The following TMEM178B variants were observed in gnomAD, a reference collection of about 807,000 sequenced individuals.
TMEM178B encodes the protein transmembrane protein 178B.
Under a neutral mutation model 31.0 loss-of-function variants are expected in TMEM178B, and 5 were observed. The observed-to-expected ratio is 0.16, with a 90% CI of 0.08 to 0.34. The LOEUF (loss-of-function observed/expected upper bound fraction) is 0.34. Among genes scored for constraint, TMEM178B ranks in the 10% least tolerant of loss-of-function variants. The pLI, the probability that TMEM178B is intolerant of heterozygous loss-of-function variation, is 1.00. For missense variants in TMEM178B, 275 were observed against 400.3 expected (o/e 0.69, Z 2.67); for synonymous variants, 164 against 164.0 (o/e 1.00, Z 0.00).
chr7:141,185,494 A>G (rs1168849775), intron 1 of TMEM178B, among the ~76,000 whole-genome samples: 1 of 152,156 alleles, frequency 6.6e-6, no homozygotes, highest in Non-Finnish European at 1.5e-5. Flanking sequence ...GCCTGCTGGC[A>G]TGTGGGTGCC....
At chr7:141,242,662 T>G (rs1012757635) in intron 2 of TMEM178B, among the ~76,000 whole-genome samples, 5 of 150,814 alleles carry the variant, frequency 3.3e-5, no homozygotes, top group African/African-American at 9.8e-5. Context: ...CTGCCTCAGC[T>G]CCCGGGCAGC....
rs1800926938 is a variant in TMEM178B, at chr7:141,408,574, G to A, written c.497-29034G>A. ...TGAGACATGGTGACTGAATCAGAAAGAGTTGTGGTTCCTGCCCTGAATGGA... is the reference window on the plus strand; with the variant it reads ...TGAGACATGGTGACTGAATCAGAAAAAGTTGTGGTTCCTGCCCTGAATGGA... On this transcript the variant is annotated intron_variant, in intron 2 of 3. Coordinates refer to ENST00000565468, the MANE Select transcript of TMEM178B (RefSeq NM_001195278.2). Among the ~76,000 whole-genome samples the A allele has an allele frequency of 3.3e-5, 5 of 152,212 alleles. 1 individual carries two copies. In the South Asian group the frequency reaches 1.0e-3, roughly 31 times the overall value.
At chr7:141,497,865 C>G in the TMEM178B span, among the ~76,000 whole-genome samples, 1 of 152,184 alleles carries the variant, frequency 6.6e-6, no homozygotes, top group Admixed American at 6.5e-5. Context: ...TAAAGGCTGA[C>G]GGAGCAACTA....
At chr7:141,420,896 C>T (rs1295669300) in intron 2 of TMEM178B, among the ~76,000 whole-genome samples, 1 of 152,192 alleles carries the variant, frequency 6.6e-6, no homozygotes, top group African/African-American at 2.4e-5. Flanking sequence ...TTGAGAATCA[C>T]AACTACTGGG....
chr7:141,481,959 C>T (rs1802483427), downstream of TMEM178B, among the ~76,000 whole-genome samples: 1 of 152,144 alleles, frequency 6.6e-6, no homozygotes, highest in Admixed American at 6.5e-5. Context: ...GCATCGTGAC[C>T]TGAGGGGTGG....
chr7:141,296,649 T>A (rs6464444), intron 2 of TMEM178B, among the ~76,000 whole-genome samples: 61,692 of 151,996 alleles, frequency 0.41, 12,852 homozygotes, highest in East Asian at 0.61. Flanking sequence ...TTTGAGATAA[T>A]TTTAGATTCA....
intron 2 of TMEM178B, among the ~76,000 whole-genome samples, chr7:141,421,925 A>G (rs1426124462): frequency 2.6e-5 from 4 of 151,970 alleles, no homozygotes; most frequent in Admixed American, 6.6e-5. Context: ...GGGAGACTCC[A>G]TAGATTTGGG....
At chr7:141,499,876 T>A in the TMEM178B span, among the ~76,000 whole-genome samples, 1 of 152,182 alleles carries the variant, frequency 6.6e-6, no homozygotes, top group Non-Finnish European at 1.5e-5. Flanking sequence ...CATGCAAATA[T>A]CTTAGCATTT....
chr7:141,506,015 C>T, the TMEM178B span, among the ~76,000 whole-genome samples: 1 of 152,214 alleles, frequency 6.6e-6, no homozygotes, highest in South Asian at 2.1e-4. Context: ...GGGCCAGGTC[C>T]CTTTGCAGAT....
intron 2 of TMEM178B, among the ~76,000 whole-genome samples, chr7:141,216,691 C>A (rs540988613): frequency 2.6e-5 from 4 of 152,014 alleles, no homozygotes; most frequent in African/African-American, 9.7e-5. Context: ...CGCCTTCTCA[C>A]CCTGGGAAAA....
chr7:141,180,811 A>T (rs560191701), intron 1 of TMEM178B, among the ~76,000 whole-genome samples: 7 of 152,318 alleles, frequency 4.6e-5, no homozygotes, highest in Non-Finnish European at 7.4e-5. Context: ...TCTGGCACTC[A>T]GTTTCCTTAT....
rs991979100 is a variant in TMEM178B at position 141,449,499 on chromosome 7, A to G, written c.634+11754A>G. Among the ~76,000 whole-genome samples the G allele has an allele frequency of 3.3e-5, 5 of 152,112 alleles. 1 individual carries two copies. ...TCACATCCAATCCTTGATGGCTGAG[A>G]TGTACTACAGGGTCTAGAGCCTGGA... is the stretch of plus-strand genomic sequence containing the variant. On this transcript the variant is annotated intron_variant, in intron 3 of 3. Coordinates refer to ENST00000565468, the MANE Select transcript of TMEM178B (RefSeq NM_001195278.2).
In TMEM178B at chr7:141,227,919, A is replaced by G. The variant is rs1181450705; in HGVS notation, c.496+15215A>G. Among the ~76,000 whole-genome samples the G allele has an allele frequency of 2.6e-4, 40 of 152,194 alleles. 1 individual carries two copies. The highest frequency in any genetic ancestry group is 2.6e-3 in the Admixed American group (39 of 15,290). On this transcript the variant is annotated intron_variant, in intron 2 of 3. Coordinates refer to ENST00000565468, the MANE Select transcript of TMEM178B (RefSeq NM_001195278.2). ...AGGAAGACATTTATCAGCACTAACT[A>G]TGGGTGTGGAATATGAGAAAAATCC...
intron 1 of TMEM178B, among the ~76,000 whole-genome samples, chr7:141,163,794 T>G (rs1485999756): frequency 6.6e-6 from 1 of 152,158 alleles, no homozygotes; most frequent in Non-Finnish European, 1.5e-5. Context: ...GATTACAGGG[T>G]GAGCCACCAT....
rs1472736041 is a variant in TMEM178B at position 141,074,428 on chromosome 7, A to C, written c.118A>C (p.Arg40=). The change falls in exon 1 of 4, where the codon AGG becomes CGG. Residue 40 remains arginine (R), a synonymous_variant. Transcript: ENST00000565468. The surrounding 1 kb of genome is among the most constrained non-coding windows in gnomAD (Gnocchi z 5.1). ...HWYETDARKH[R]DRCKAFNTRR... is the part of the protein sequence containing the mutation. ...GTACGAGACGGACGCCAGGAAGCACAGGGACAGGTGCAAGGCCTTCAACAC... is the reference window on the plus strand; with the variant it reads ...GTACGAGACGGACGCCAGGAAGCACCGGGACAGGTGCAAGGCCTTCAACAC... 1 of 1,536,012 alleles carries C rather than the reference A, an allele frequency of 6.5e-7. No individual in the cohort carries two copies. Among genetic ancestry groups the C allele is most frequent in the African/African-American group, 1.4e-5 (1 of 73,060 alleles).
At position 141,470,567 on chromosome 7, in the gene TMEM178B, T is replaced by C. The variant is rs770671197; in HGVS notation, c.666T>C (p.Cys222=). 7.8e-6 allele frequency: 12 copies of C among 1,531,924 alleles called. No homozygotes were observed. The South Asian group carries it at 1.2e-4, about 15-fold the overall frequency. The allele number at this position is 1,531,924 out of a possible 1,614,324, so 94.9% of individuals were successfully genotyped here. ...GTFCIISLCT[C]VAGINFELSR... is the part of the protein sequence containing the mutation. ...TCTGCATCATTTCACTGTGCACCTG[T>C]GTGGCCGGGATCAACTTTGAGCTGT... Residue 222 remains cysteine (C), a synonymous_variant, in exon 4 of 4, where the codon TGT becomes TGC. Transcript: ENST00000565468.
intron 2 of TMEM178B, among the ~76,000 whole-genome samples, chr7:141,307,045 T>C (rs1250916813): frequency 6.6e-6 from 1 of 152,178 alleles, no homozygotes; most frequent in African/African-American, 2.4e-5. Context: ...AGAGATCTTA[T>C]TCTATTTTGT....
chr7:141,509,049 C>G, the TMEM178B span, among the ~76,000 whole-genome samples: 1 of 152,164 alleles, frequency 6.6e-6, no homozygotes, highest in African/African-American at 2.4e-5. Flanking sequence ...TGTTCTCTAT[C>G]TTTAGGGATT....
chr7:141,509,339 G>T, the TMEM178B span, among the ~76,000 whole-genome samples: 1 of 151,798 alleles, frequency 6.6e-6, no homozygotes, highest in Non-Finnish European at 1.5e-5. Context: ...AGTGAACAAA[G>T]AATTTGAAGA....
Sources: allele counts gnomAD v4.1 joint callset (sites outside exome capture counted in the v4.1 genomes callset), GRCh38; gene constraint gnomAD v4.1.1; non-coding constraint Gnocchi (gnomAD v3.1); transcripts MANE v1.5; gene names NCBI Gene and HGNC (gene_info 2026-07-23, HGNC 2026-07-21).